Variants in LNPK observed in about 807,000 individuals in gnomAD.
The protein encoded by LNPK is lunapark, ER junction formation factor.
LNPK carries 29 observed loss-of-function variants against 55.2 expected under a neutral mutation model. That is an observed-to-expected ratio of 0.53 (90% CI 0.39 to 0.72). LNPK has a LOEUF of 0.72. Ranked by LOEUF, LNPK falls within the 30% of genes least tolerant of loss-of-function variation. The pLI, the probability that LNPK is intolerant of heterozygous loss-of-function variation, is 0.00. For synonymous variants in LNPK, 162 were observed against 168.2 expected (o/e 0.96, Z 0.29); for missense variants, 467 against 494.8 (o/e 0.94, Z 0.53).
rs373109700 is a variant in LNPK, at chr2:175,976,619, C to A, written c.316+3191G>T. 3.4e-3 allele frequency among the ~76,000 whole-genome samples: 515 copies of A among 152,272 alleles called. 15 individuals are homozygous for A. The South Asian group carries it at 0.072, about 21-fold the overall frequency. On this transcript the variant is annotated intron_variant, in intron 5 of 12. Transcript: ENST00000272748. ...CAATCAGCTGAAGGCCTGAATAGAA[C>A]AAAAAGTTTGCTTCTCCCTCCAGTG... is the stretch of plus-strand genomic sequence containing the variant.
intron 8 of LNPK, among the ~76,000 whole-genome samples, chr2:175,952,702 A>AC (rs1685484177): frequency 6.7e-6 from 1 of 150,246 alleles, no homozygotes; most frequent in Non-Finnish European, 1.5e-5. Context: ...TTGAAAAACA[A>AC]AAAAAAAAAC....
chr2:175,997,905 A>ATTTTT (rs34249944), intron 1 of LNPK, among the ~76,000 whole-genome samples: 1 of 141,938 alleles, frequency 7.0e-6, no homozygotes. Flanking sequence ...CACCCGGCTA[A>ATTTTT]TTTTTTTTTT....
intron 4 of LNPK, among the ~76,000 whole-genome samples, chr2:175,990,612 A>G (rs956629158): frequency 2.2e-4 from 34 of 152,218 alleles, no homozygotes; most frequent in Non-Finnish European, 1.2e-4. Flanking sequence ...CATTACATAC[A>G]TAAGAAAATG....
chr2:175,932,299 AAGG>A (rs1400790865), intron 12 of LNPK: 3 of 400,888 alleles, frequency 7.5e-6, no homozygotes, highest in African/African-American at 4.2e-5. Flanking sequence ...TGGTTAATAC[AAGG>A]AGGAGAACTA....
chr2:175,984,917 T>C (rs1415549871), intron 4 of LNPK, among the ~76,000 whole-genome samples: 1 of 152,240 alleles, frequency 6.6e-6, no homozygotes, highest in Admixed American at 6.5e-5. Context: ...AAAATATTCA[T>C]TGCAGCCTTA....
At chr2:175,977,879 T>C (rs941295756) in intron 5 of LNPK, among the ~76,000 whole-genome samples, 1 of 152,114 alleles carries the variant, frequency 6.6e-6, no homozygotes, top group African/African-American at 2.4e-5. Context: ...CAGAATTATA[T>C]GCCAATAGGA....
At position 175,964,415 on chromosome 2, in the gene LNPK, C is replaced by T. The variant is rs1252433635; in HGVS notation, c.450G>A (p.Glu150=). The change falls in exon 8 of 13, where the codon GAG becomes GAA. Residue 150 remains glutamate, a synonymous_variant. Transcript: ENST00000272748. Reference sequence around the variant, plus strand: ...TTACAGCTGCTCCAGCAGATGGCGGCTCACACTCCTGTCAATTATAATAAT... The same window carrying T: ...TTACAGCTGCTCCAGCAGATGGCGGTTCACACTCCTGTCAATTATAATAAT... The part of the protein sequence containing the change: ...DPDSKKAKEC[E]PPSAGAAVTA... 1.2e-6 allele frequency: 2 copies of T among 1,613,238 alleles called. No individual in the cohort carries two copies. Among genetic ancestry groups the T allele is most frequent in the Non-Finnish European group, 1.7e-6 (2 of 1,179,258 alleles).
intron 9 of LNPK, among the ~76,000 whole-genome samples, chr2:175,941,872 A>T (rs921256430): frequency 6.7e-6 from 1 of 150,300 alleles, no homozygotes; most frequent in African/African-American, 2.5e-5. Context: ...TACATTATGT[A>T]CAGAGAAAAA....
chr2:175,957,147 C>A (rs1685733245), intron 8 of LNPK, among the ~76,000 whole-genome samples: 1 of 151,998 alleles, frequency 6.6e-6, no homozygotes, highest in South Asian at 2.1e-4. Context: ...CACTTGAGGT[C>A]AAGAGTTTGA....
intron 4 of LNPK, among the ~76,000 whole-genome samples, chr2:175,989,824 A>G (rs1687611002): frequency 6.6e-6 from 1 of 152,176 alleles, no homozygotes; most frequent in Non-Finnish European, 1.5e-5. Flanking sequence ...CCTCCATATT[A>G]CATTCTGAAG....
At chr2:175,938,922 C>T (rs555233305) in intron 10 of LNPK, 7 of 152,172 alleles carry the variant, frequency 4.6e-5, no homozygotes, top group African/African-American at 1.7e-4. Flanking sequence ...TTTCTCAGTT[C>T]TCTGTGGATA....
At chr2:175,972,632 C>T (rs914481035) in intron 5 of LNPK, among the ~76,000 whole-genome samples, 1 of 152,146 alleles carries the variant, frequency 6.6e-6, no homozygotes, top group Admixed American at 6.5e-5. Flanking sequence ...ATCATCAAAA[C>T]TGATTGCAAA....
At chr2:175,995,426 A>C (rs1040249535) in intron 2 of LNPK, 132 bp downstream of exon 2, 6 of 580,640 alleles carry the variant, frequency 1.0e-5, no homozygotes, top group Non-Finnish European at 1.7e-5. Flanking sequence ...AGTAATTCAA[A>C]AGAGAAGAAA....
rs546212242 is a variant in LNPK, at chr2:175,965,959, T to C, written c.358-1370A>G. The stretch of plus-strand genomic sequence containing the variant: ...TGTTGTGCAGTAAAACTTTATGTAA[T>C]GATGAAAATGGTCTATGTCAGCGTA... On this transcript the variant is annotated intron_variant, in intron 6 of 12. Transcript: ENST00000272748. Among the ~76,000 whole-genome samples, 3 of 152,342 alleles carry C rather than the reference T, an allele frequency of 2.0e-5. No homozygotes were observed. In the East Asian group the frequency reaches 5.8e-4, roughly 29 times the overall value.
chr2:175,995,924 T>C (rs957326861), intron 1 of LNPK, among the ~76,000 whole-genome samples: 1 of 150,414 alleles, frequency 6.6e-6, no homozygotes, highest in African/African-American at 2.4e-5. Context: ...GCGATTCTTG[T>C]GGCTCAGCCT....
chr2:175,966,188 C>A (rs1422470939), intron 6 of LNPK, among the ~76,000 whole-genome samples: 1 of 152,120 alleles, frequency 6.6e-6, no homozygotes, highest in Non-Finnish European at 1.5e-5. Context: ...CTCAGGCTCC[C>A]AAGTAGCTAG....
In LNPK at chr2:175,924,716, A is replaced by T. The variant is rs1172231020; in HGVS notation, c.*5251T>A. On this transcript the variant is annotated 3_prime_UTR_variant, in exon 13 of 13. Coordinates refer to ENST00000272748, the MANE Select transcript of LNPK (RefSeq NM_030650.3). ...CAAACAAAAAAAAAAAACAAAGAAG[A>T]AGTTTATTTGGCTTACAGTTCTGCA... 3.3e-5 allele frequency: 5 copies of T among 151,662 alleles called. No homozygotes were observed. The highest frequency in any genetic ancestry group is 3.3e-4 in the Admixed American group (5 of 15,176). 9.4% of individuals were successfully genotyped at this position (151,662 alleles called of 1,614,324 possible). A position where few individuals can be genotyped will look rare whatever the true frequency, so the allele number is the denominator to read the frequency against.
chr2:175,981,254 TTCTC>T (rs1172051757), intron 4 of LNPK, among the ~76,000 whole-genome samples: 1 of 152,194 alleles, frequency 6.6e-6, no homozygotes, highest in Admixed American at 6.5e-5. Context: ...TCACTTGTCT[TTCTC>T]TCTCCTGGAT....
chr2:175,956,286 A>G (rs1212915404), intron 8 of LNPK, among the ~76,000 whole-genome samples: 1 of 151,854 alleles, frequency 6.6e-6, no homozygotes, highest in African/African-American at 2.4e-5. Flanking sequence ...TTCAAAAAAA[A>G]AAAAAAAAAA....
Sources: allele counts gnomAD v4.1 joint callset (sites outside exome capture counted in the v4.1 genomes callset), GRCh38; gene constraint gnomAD v4.1.1; transcripts MANE v1.5; gene names NCBI Gene and HGNC (gene_info 2026-07-23, HGNC 2026-07-21).